The following PRKG1 variants were observed in gnomAD, a reference collection of about 807,000 sequenced individuals.
The protein encoded by PRKG1 is protein kinase cGMP-dependent 1, also known as cGMP-dependent protein kinase 1.
Under a neutral mutation model 88.1 loss-of-function variants are expected in PRKG1, and 35 were observed. The observed-to-expected ratio is 0.40, with a 90% CI of 0.30 to 0.53. PRKG1 has a LOEUF of 0.53. Ranked by LOEUF, PRKG1 falls within the 20% of genes least tolerant of loss-of-function variation. The pLI is 0.59. For missense variants in PRKG1, 540 were observed against 839.8 expected, an observed-to-expected ratio of 0.64 and a Z score of 4.41; for synonymous variants, 303 against 292.5, an observed-to-expected ratio of 1.04 and a Z score of -0.37.
chr10:51,718,422 T>C (rs1841936372), intron 3 of PRKG1, among the ~76,000 whole-genome samples: 1 of 152,038 alleles, frequency 6.6e-6, no homozygotes, highest in Admixed American at 6.6e-5. Flanking sequence ...AGGAGTGATA[T>C]GAGATAGATG....
At chr10:51,525,134 CAG>C (rs370866251) in intron 3 of PRKG1, among the ~76,000 whole-genome samples, 42 of 139,980 alleles carry the variant, frequency 3.0e-4, no homozygotes, top group Admixed American at 5.3e-4. Context: ...GAGACAGAGA[CAG>C]AGAGAGAGAG....
intron 3 of PRKG1, among the ~76,000 whole-genome samples, chr10:51,671,030 A>G (rs1404521720): frequency 6.6e-6 from 1 of 151,930 alleles, no homozygotes; most frequent in African/African-American, 2.4e-5. Flanking sequence ...TCACCATTTT[A>G]TCTTATATTT....
intron 7 of PRKG1, among the ~76,000 whole-genome samples, chr10:52,120,942 G>A (rs1847807111): frequency 1.3e-5 from 2 of 152,182 alleles, no homozygotes; most frequent in South Asian, 2.1e-4. Flanking sequence ...ACGACATCTT[G>A]TGAAATCTTG....
intron 3 of PRKG1, among the ~76,000 whole-genome samples, chr10:51,617,996 T>C (rs1355987965): frequency 6.6e-6 from 1 of 152,238 alleles, no homozygotes; most frequent in African/African-American, 2.4e-5. Context: ...ACGCTAAGGT[T>C]TTCTACAGTT....
In PRKG1 at chr10:51,591,868, G is replaced by A. The variant is rs545244081; in HGVS notation, c.592+124032G>A. Among the ~76,000 whole-genome samples, 18 of 152,276 alleles carry A rather than the reference G, an allele frequency of 1.2e-4. No homozygotes were observed. In the South Asian group the frequency reaches 3.5e-3, roughly 30 times the overall value. Reference sequence around the variant, plus strand: ...CTGGAAAATTGTATTAGATTGCATTGCATTGGGTCAGGTACATGCTTTCAT... The same window carrying A: ...CTGGAAAATTGTATTAGATTGCATTACATTGGGTCAGGTACATGCTTTCAT... On this transcript the variant is annotated intron_variant, in intron 3 of 17. Coordinates refer to ENST00000373980, the MANE Select transcript of PRKG1 (RefSeq NM_006258.4).
intron 4 of PRKG1, among the ~76,000 whole-genome samples, chr10:51,852,631 A>G (rs1400916927): frequency 2.0e-5 from 3 of 152,142 alleles, no homozygotes; most frequent in Admixed American, 1.3e-4. Flanking sequence ...CTTGTAGTTC[A>G]ACCTATACAC....
At chr10:51,346,199 C>G (rs950544851) in intron 2 of PRKG1, among the ~76,000 whole-genome samples, 2 of 152,138 alleles carry the variant, frequency 1.3e-5, no homozygotes, top group African/African-American at 4.8e-5. Flanking sequence ...ATAGTGTTCT[C>G]TCATAATTTA....
intron 5 of PRKG1, among the ~76,000 whole-genome samples, chr10:51,948,506 T>C (rs1452508019): frequency 6.8e-6 from 1 of 147,438 alleles, no homozygotes; most frequent in Non-Finnish European, 1.5e-5. Context: ...TATTATTTCA[T>C]GAAACTTGTG....
chr10:51,181,536 C>T (rs1188915530), intron 2 of PRKG1, among the ~76,000 whole-genome samples: 5 of 152,020 alleles, frequency 3.3e-5, no homozygotes, highest in Admixed American at 2.0e-4. Flanking sequence ...CCACCGCGCC[C>T]GGCCTAGAAT....
chr10:51,298,213 A>C (rs911453178), intron 2 of PRKG1, among the ~76,000 whole-genome samples: 2 of 152,172 alleles, frequency 1.3e-5, no homozygotes, highest in African/African-American at 4.8e-5. Context: ...CAGGTGGCAA[A>C]TGATACATTT....
intron 4 of PRKG1, among the ~76,000 whole-genome samples, 158 bp downstream of exon 4, chr10:51,804,848 A>G (rs1192250098): frequency 6.6e-6 from 1 of 151,928 alleles, no homozygotes; most frequent in Non-Finnish European, 1.5e-5. Flanking sequence ...ATGCTTCTTT[A>G]TATTTCTGGT....
At chr10:52,255,401 C>T (rs923345334) in intron 10 of PRKG1, among the ~76,000 whole-genome samples, 1 of 151,914 alleles carries the variant, frequency 6.6e-6, no homozygotes, top group Non-Finnish European at 1.5e-5. Context: ...TTTAATATGC[C>T]AATAATATGT....
At chr10:51,525,167 G>C (rs2132083109) in intron 3 of PRKG1, among the ~76,000 whole-genome samples, 1 of 151,046 alleles carries the variant, frequency 6.6e-6, no homozygotes, top group African/African-American at 2.4e-5. Flanking sequence ...GGAGGAGGAA[G>C]AGAAGGAAGA....
At chr10:51,326,327 C>G (rs1345434947) in intron 2 of PRKG1, among the ~76,000 whole-genome samples, 1 of 152,172 alleles carries the variant, frequency 6.6e-6, no homozygotes, top group African/African-American at 2.4e-5. Context: ...AGTGACAGCA[C>G]TTTTGAGATA....
At chr10:52,168,695 A>C (rs1457837056) in intron 9 of PRKG1, among the ~76,000 whole-genome samples, 1 of 152,000 alleles carries the variant, frequency 6.6e-6, no homozygotes, top group African/African-American at 2.4e-5. Flanking sequence ...TAGAGTGAGG[A>C]CAATGTGATT....
chr10:52,066,202 G>C (rs1014217847), intron 7 of PRKG1, among the ~76,000 whole-genome samples: 2 of 151,550 alleles, frequency 1.3e-5, no homozygotes, highest in Non-Finnish European at 2.9e-5. Flanking sequence ...TTACATTGTT[G>C]ACCACCCTTT....
intron 5 of PRKG1, among the ~76,000 whole-genome samples, chr10:52,030,543 A>G (rs1448298978): frequency 6.6e-6 from 1 of 152,208 alleles, no homozygotes; most frequent in Non-Finnish European, 1.5e-5. Context: ...GATCTGGGAT[A>G]TGGCATATCA....
At position 51,983,625 on chromosome 10, in the gene PRKG1, G is replaced by A. The variant is rs145184449; in HGVS notation, c.763-70859G>A. Among the ~76,000 whole-genome samples, 707 of 152,244 alleles carry A rather than the reference G, an allele frequency of 4.6e-3. 5 individuals carry two copies. The highest frequency in any genetic ancestry group is 0.015 in the African/African-American group (641 of 41,538). On this transcript the variant is annotated intron_variant, in intron 5 of 17. Transcript: ENST00000373980. ...TCCTATAGGAACAAGTTGAGCCTGG[G>A]GGATGGGCATTCCTGGCTGTGTTCC...
At position 51,861,696 on chromosome 10, in the gene PRKG1, G is replaced by A. The variant is rs139463132; in HGVS notation, c.699-45811G>A. On this transcript the variant is annotated intron_variant, in intron 4 of 17. Coordinates refer to ENST00000373980, the MANE Select transcript of PRKG1 (RefSeq NM_006258.4). ...TTACTTTAAAAATAGAAATCTTTACGAGTTGTTTATGAAAACTATAGTGAT... is the reference window on the plus strand; with the variant it reads ...TTACTTTAAAAATAGAAATCTTTACAAGTTGTTTATGAAAACTATAGTGAT... 5.2e-3 allele frequency among the ~76,000 whole-genome samples: 787 copies of A among 152,190 alleles called. 8 individuals are homozygous for A. The highest frequency in any genetic ancestry group is 0.018 in the African/African-American group (757 of 41,504).
Sources: allele counts gnomAD v4.1 joint callset (sites outside exome capture counted in the v4.1 genomes callset), GRCh38; gene constraint gnomAD v4.1.1; transcripts MANE v1.5; gene names NCBI Gene and HGNC (gene_info 2026-07-23, HGNC 2026-07-21).